LRRC52: variants seen among roughly 807,000 people sequenced by gnomAD.
LRRC52 encodes the protein leucine-rich repeat-containing protein 52.
LRRC52 carries 15 observed loss-of-function variants against 14.7 expected under a neutral mutation model. The observed-to-expected ratio is 1.02, with a 90% CI of 0.68 to 1.58. The LOEUF is 1.58. Among genes scored for constraint, LRRC52 ranks in the 40% most tolerant of loss-of-function variants. The pLI, the probability that LRRC52 is intolerant of heterozygous loss-of-function variation, is 0.00. For synonymous variants in LRRC52, 180 were observed against 163.9 expected, an observed-to-expected ratio of 1.10 and a Z score of -0.75; for missense variants, 400 against 387.7, an observed-to-expected ratio of 1.03 and a Z score of -0.27.
At chr1:165,549,888 A>C (rs1033713705) in intron 1 of LRRC52, among the ~76,000 whole-genome samples, 2 of 152,254 alleles carry the variant, frequency 1.3e-5, no homozygotes, top group Non-Finnish European at 2.9e-5. Context: ...ATTCAAAAGA[A>C]ACTCTCCAAT....
chr1:165,561,750 C>T (rs1010790163), intron 1 of LRRC52, among the ~76,000 whole-genome samples: 6 of 152,216 alleles, frequency 3.9e-5, no homozygotes, highest in African/African-American at 1.4e-4. Flanking sequence ...AGCTTGAGTC[C>T]TAAACAGCAT....
Position 165,544,490 on chromosome 1 carries a change from T to G in LRRC52, c.194T>G (p.Ile65Ser). The G allele has an allele frequency of 2.5e-6, 4 of 1,614,134 alleles. No individual in the cohort carries two copies. Among genetic ancestry groups the G allele is most frequent in the Non-Finnish European group, 3.4e-6 (4 of 1,180,022 alleles). ...AGGCTGTTCCTGAACGAGAACAGAA[T>G]CACTAGTTTGCCAGCAATGCATCTA... ...TRRLFLNENR[I>S]TSLPAMHLGL... The change falls in exon 1 of 2, where the codon ATC becomes AGC. Residue 65 changes from isoleucine to serine, a missense_variant. Coordinates refer to ENST00000294818, the MANE Select transcript of LRRC52 (RefSeq NM_001005214.4).
At chr1:165,556,189 T>C (rs752378284) in intron 1 of LRRC52, among the ~76,000 whole-genome samples, 2 of 152,248 alleles carry the variant, frequency 1.3e-5, no homozygotes, top group Non-Finnish European at 2.9e-5. Context: ...GAAGGAATTA[T>C]GAGAAAAAGA....
At chr1:165,550,038 C>T (rs936459081) in intron 1 of LRRC52, among the ~76,000 whole-genome samples, 2 of 152,164 alleles carry the variant, frequency 1.3e-5, no homozygotes, top group Non-Finnish European at 2.9e-5. Context: ...GAGCCCTGAC[C>T]AATACAGACT....
chr1:165,548,355 C>T (rs1293909893), intron 1 of LRRC52, among the ~76,000 whole-genome samples: 2 of 152,102 alleles, frequency 1.3e-5, no homozygotes, highest in African/African-American at 4.8e-5. Flanking sequence ...CTACTATGTG[C>T]CAAACAAGTG....
At chr1:165,559,829 T>C (rs142244422) in intron 1 of LRRC52, among the ~76,000 whole-genome samples, 25 of 152,322 alleles carry the variant, frequency 1.6e-4, no homozygotes, top group Middle Eastern at 3.4e-3. Context: ...CATACATACA[T>C]TTAAGAAAGA....
chr1:165,546,173 C>A (rs1183079271), intron 1 of LRRC52, among the ~76,000 whole-genome samples: 1 of 152,054 alleles, frequency 6.6e-6, no homozygotes, highest in South Asian at 2.1e-4. Flanking sequence ...TGGGATGAGG[C>A]AAGCAGGGCT....
In LRRC52 at chr1:165,544,666, C is replaced by T; in HGVS notation, c.370C>T (p.Leu124Phe). The change falls in exon 1 of 2, where the codon CTC becomes TTC. Residue 124 changes from leucine (L) to phenylalanine (F), a missense_variant. By Grantham distance (22) the Leu-to-Phe change is conservative (BLOSUM62 0). Transcript: ENST00000294818. ...TSISPFTFSV[L>F]SNLVQLNIAN... ...GATCTCCCCATTCACTTTCTCGGTG[C>T]TCAGCAACCTGGTGCAGCTGAACAT... 1 of 1,614,088 alleles carries T rather than the reference C, an allele frequency of 6.2e-7. No homozygotes were observed. Among genetic ancestry groups the T allele is most frequent in the Non-Finnish European group, 8.5e-7 (1 of 1,180,026 alleles).
intron 1 of LRRC52, among the ~76,000 whole-genome samples, chr1:165,559,459 G>C (rs1571112568): frequency 6.6e-6 from 1 of 152,076 alleles, no homozygotes; most frequent in African/African-American, 2.4e-5. Context: ...GTAAAAACTG[G>C]TAATTTTAAA....
intron 1 of LRRC52, among the ~76,000 whole-genome samples, chr1:165,558,001 G>A (rs1327983364): frequency 6.6e-6 from 1 of 152,204 alleles, no homozygotes; most frequent in Non-Finnish European, 1.5e-5. Flanking sequence ...CAGAACTGGG[G>A]TCCCTCCTGA....
chr1:165,544,628 A>T lies in LRRC52; in HGVS notation c.332A>T (p.Asn111Ile). The T allele has an allele frequency of 6.2e-7, 1 of 1,613,600 alleles. No individual in the cohort carries two copies. The highest frequency in any genetic ancestry group is 8.5e-7 in the Non-Finnish European group (1 of 1,179,934). Residue 111 changes from asparagine to isoleucine, a missense_variant, in exon 1 of 2, where the codon AAC (asparagine) becomes ATC (isoleucine). Transcript: ENST00000294818. ...FKLIYLDLSSNNLTSISPFTF... is the reference protein window; with the variant it reads ...FKLIYLDLSSINLTSISPFTF... The stretch of plus-strand genomic sequence containing the variant: ...CTCATCTACCTTGACCTCAGCTCCA[A>T]CAACCTAACCTCGATCTCCCCATTC...
intron 1 of LRRC52, among the ~76,000 whole-genome samples, chr1:165,554,426 G>GGTTGTTGTT (rs140256565): frequency 0.092 from 13,784 of 150,506 alleles, 654 homozygotes; most frequent in Admixed American, 0.1. Flanking sequence ...AATGATAGGT[G>GGTTGTTGTT]GTTGTTGTTG....
intron 1 of LRRC52, among the ~76,000 whole-genome samples, chr1:165,556,873 C>T (rs1230588428): frequency 6.6e-6 from 1 of 152,182 alleles, no homozygotes; most frequent in African/African-American, 2.4e-5. Context: ...ACCTAGGTTT[C>T]CTTCTAGGGA....
chr1:165,544,203 G>T lies in LRRC52; in HGVS notation c.-94G>T. ...CTAAAGTGTTACAGTTCTTTCCAGA[G>T]CCCCTCCCCCGCCCCACCCCCCCAC... is the stretch of plus-strand genomic sequence containing the variant. On this transcript the variant is annotated 5_prime_UTR_variant, in exon 1 of 2. Transcript: ENST00000294818. The T allele has an allele frequency of 1.0e-6, 1 of 1,001,754 alleles. No homozygotes were observed. Among genetic ancestry groups the T allele is most frequent in the South Asian group, 1.6e-5 (1 of 63,716 alleles). 62.1% of individuals were successfully genotyped at this position (1,001,754 alleles called of 1,614,324 possible). A position where few individuals can be genotyped will look rare whatever the true frequency, so the allele number is the denominator to read the frequency against.
intron 1 of LRRC52, among the ~76,000 whole-genome samples, chr1:165,553,834 A>G (rs944041771): frequency 2.6e-5 from 4 of 152,196 alleles, no homozygotes; most frequent in African/African-American, 9.6e-5. Flanking sequence ...TTTCTCTTTC[A>G]GTGAGGTGAA....
chr1:165,550,637 G>T (rs2101826230), intron 1 of LRRC52, among the ~76,000 whole-genome samples: 1 of 152,230 alleles, frequency 6.6e-6, no homozygotes, highest in African/African-American at 2.4e-5. Flanking sequence ...TTTCCCTGAT[G>T]CCATGATATT....
At chr1:165,555,711 G>A (rs528443043) in intron 1 of LRRC52, among the ~76,000 whole-genome samples, 32 of 152,354 alleles carry the variant, frequency 2.1e-4, no homozygotes, top group African/African-American at 7.7e-4. Flanking sequence ...CATTTTGAAG[G>A]TAGGACTAGC....
chr1:165,544,224 C>CCGACCGGCAGCCTTCGGAT lies in LRRC52; in HGVS notation c.-72_-71insGACCGGCAGCCTTCGGATC. ...CAGAGCCCCTCCCCCGCCCCACCCC[C>CCGACCGGCAGCCTTCGGAT]CCACCGGCAGCCTTCGGATCAGAGG... On this transcript the variant is annotated 5_prime_UTR_variant, in exon 1 of 2. Coordinates refer to ENST00000294818, the MANE Select transcript of LRRC52 (RefSeq NM_001005214.4). The CCGACCGGCAGCCTTCGGAT allele has an allele frequency of 7.2e-7, 1 of 1,387,044 alleles. No homozygotes were observed. The highest frequency in any genetic ancestry group is 1.5e-5 in the African/African-American group (1 of 66,742). 85.9% of individuals were successfully genotyped at this position (1,387,044 alleles called of 1,614,324 possible). A position where few individuals can be genotyped will look rare whatever the true frequency, so the allele number is the denominator to read the frequency against.
At position 165,544,896 on chromosome 1, in the gene LRRC52, A is replaced by G; in HGVS notation, c.600A>G (p.Ile200Met). 6.2e-7 allele frequency: 1 copy of G among 1,614,084 alleles called. No individual in the cohort carries two copies. Among genetic ancestry groups the G allele is most frequent in the African/African-American group, 1.3e-5 (1 of 74,992 alleles). The change falls in exon 1 of 2, where the codon ATA (isoleucine) becomes ATG (methionine). Residue 200 changes from isoleucine to methionine, a missense_variant. Transcript: ENST00000294818. Reference sequence around the variant, plus strand: ...TCCTGGACTTCGCCATCTTCTTAATAGTGTTCCATATGGACCCCTCAGGTG... The same window carrying G: ...TCCTGGACTTCGCCATCTTCTTAATGGTGTTCCATATGGACCCCTCAGGTG... ...CSFLDFAIFL[I>M]VFHMDPSDDL... is the part of the protein sequence containing the mutation.
Sources: allele counts gnomAD v4.1 joint callset (sites outside exome capture counted in the v4.1 genomes callset), GRCh38; gene constraint gnomAD v4.1.1; transcripts MANE v1.5; gene names NCBI Gene and HGNC (gene_info 2026-07-23, HGNC 2026-07-21).